PLXDC2: variants seen among roughly 807,000 people sequenced by gnomAD.
PLXDC2 encodes the protein plexin domain containing 2.
A neutral mutation model predicts 68.9 loss-of-function variants in PLXDC2; 40 were observed. The ratio of observed to expected loss-of-function variants is 0.58; its 90% confidence interval spans 0.45 to 0.76. The LOEUF (loss-of-function observed/expected upper bound fraction) is 0.76, where lower values mean the gene tolerates loss of function less well. Ranked by LOEUF, PLXDC2 falls within the 30% of genes least tolerant of loss-of-function variation. The pLI, the probability that PLXDC2 is intolerant of heterozygous loss-of-function variation, is 0.00. For synonymous variants in PLXDC2, 243 were observed against 234.2 expected (o/e 1.04, Z -0.34); for missense variants, 644 against 661.9 (o/e 0.97, Z 0.30).
chr10:20,232,757 CAA>C (rs1291273894), intron 12 of PLXDC2, among the ~76,000 whole-genome samples: 7 of 152,026 alleles, frequency 4.6e-5, no homozygotes, highest in Non-Finnish European at 8.8e-5. Flanking sequence ...TAGGTGGAGA[CAA>C]GAGAACTTTA....
At position 20,231,906 on chromosome 10, in the gene PLXDC2, A is replaced by G. The variant is rs1048560047; in HGVS notation, c.1312+12804A>G. Among the ~76,000 whole-genome samples, 59 of 151,940 alleles carry G rather than the reference A, an allele frequency of 3.9e-4. 3 individuals carry two copies. Among genetic ancestry groups the G allele is most frequent in the Non-Finnish European group, 8.8e-5 (6 of 67,980 alleles). ...ATGGCATACGCCTGTAGTCCCAGCTATGTGGGAGGCCCAAGTCAGGGGGAT... is the reference window on the plus strand; with the variant it reads ...ATGGCATACGCCTGTAGTCCCAGCTGTGTGGGAGGCCCAAGTCAGGGGGAT... On this transcript the variant is annotated intron_variant, in intron 12 of 13. Coordinates refer to ENST00000377252, the MANE Select transcript of PLXDC2 (RefSeq NM_032812.9).
At chr10:20,163,341 G>A (rs1488197717) in intron 6 of PLXDC2, among the ~76,000 whole-genome samples, 1 of 152,088 alleles carries the variant, frequency 6.6e-6, no homozygotes, top group Non-Finnish European at 1.5e-5. Context: ...TAACAAAATA[G>A]CCCTTTCACA....
At chr10:19,981,441 T>A (rs1047621279) in intron 1 of PLXDC2, among the ~76,000 whole-genome samples, 1 of 152,170 alleles carries the variant, frequency 6.6e-6, no homozygotes, top group Admixed American at 6.5e-5. Context: ...GTTTACGTAG[T>A]TTGAAGTGCA....
Position 19,818,227 on chromosome 10 carries a change from GGTGTGTGTGTGTGTGTGTGTGTGTGTGT to G in PLXDC2, c.112+1055_112+1082del, listed in dbSNP as rs749435110. ...TCAATTTGTCAATTTGTTCTTTTCT[GGTGTGTGTGTGTGTGTGTGTGTGTGTGT>G]GTGTGTGTGTGTGTGTGTAATTTAA... On this transcript the variant is annotated intron_variant, in intron 1 of 13. Coordinates refer to ENST00000377252, the MANE Select transcript of PLXDC2 (RefSeq NM_032812.9). 5.7e-4 allele frequency among the ~76,000 whole-genome samples: 78 copies of G among 137,610 alleles called. No homozygotes were observed. In the South Asian group the frequency reaches 0.017, roughly 31 times the overall value. 90.3% of individuals were successfully genotyped at this position (137,610 alleles called of 152,430 possible).
intron 12 of PLXDC2, among the ~76,000 whole-genome samples, chr10:20,240,983 A>C (rs1453073799): frequency 1.3e-5 from 2 of 152,174 alleles, no homozygotes; most frequent in Non-Finnish European, 2.9e-5. Flanking sequence ...TAGTATTGAG[A>C]ATCCATGAAA....
chr10:20,243,932 G>A lies in PLXDC2; in HGVS notation c.1313-1413G>A, dbSNP rs11011899. On this transcript the variant is annotated intron_variant, in intron 12 of 13. Transcript: ENST00000377252. ...AAATTAGCCAGGTGTAGTGGCAAGC[G>A]CCTGTAATCCCAGCTACTTGGGAGG... is the stretch of plus-strand genomic sequence containing the variant. 3.9e-5 allele frequency among the ~76,000 whole-genome samples: 6 copies of A among 152,198 alleles called. No homozygotes were observed. The East Asian group carries it at 9.7e-4, about 25-fold the overall frequency.
intron 13 of PLXDC2, among the ~76,000 whole-genome samples, chr10:20,277,208 C>CAAAA (rs60978653): frequency 7.4e-5 from 5 of 67,948 alleles, no homozygotes; most frequent in African/African-American, 2.9e-4. Context: ...GATTCCATCT[C>CAAAA]AAAAAAAAAA....
intron 13 of PLXDC2, among the ~76,000 whole-genome samples, chr10:20,268,240 G>A (rs1476033316): frequency 6.6e-6 from 1 of 152,146 alleles, no homozygotes; most frequent in Admixed American, 6.5e-5. Flanking sequence ...ACACGTGACA[G>A]TATGTGCCCA....
At chr10:20,147,490 G>A (rs1834095131) in intron 5 of PLXDC2, among the ~76,000 whole-genome samples, 1 of 152,122 alleles carries the variant, frequency 6.6e-6, no homozygotes, top group South Asian at 2.1e-4. Flanking sequence ...TAAGCAGACA[G>A]TATCTATTAA....
chr10:20,259,021 A>G (rs1169199078), intron 13 of PLXDC2, among the ~76,000 whole-genome samples: 1 of 150,498 alleles, frequency 6.6e-6, no homozygotes, highest in African/African-American at 2.5e-5. Context: ...AAAAAAAAAA[A>G]AGAAAAGAAA....
At position 20,056,808 on chromosome 10, in the gene PLXDC2, G is replaced by T. The variant is rs565389879; in HGVS notation, c.471+9793G>T. On this transcript the variant is annotated intron_variant, in intron 3 of 13. Transcript: ENST00000377252. ...CTTTTACATAAAATTAGCCATGAAAGGTAATATAATACATTCTCTATTACC... is the reference window on the plus strand; with the variant it reads ...CTTTTACATAAAATTAGCCATGAAATGTAATATAATACATTCTCTATTACC... 3.3e-5 allele frequency among the ~76,000 whole-genome samples: 5 copies of T among 152,134 alleles called. No individual in the cohort carries two copies. The East Asian group carries it at 5.8e-4, about 18-fold the overall frequency.
At chr10:20,046,801 G>T in intron 2 of PLXDC2, 68 bp from the exon 3 acceptor site, 2 of 1,454,190 alleles carry the variant, frequency 1.4e-6, no homozygotes, top group Non-Finnish European at 9.3e-7. Flanking sequence ...AGTTCAATAG[G>T]ATTTTTTTTA....
chr10:20,217,853 C>T (rs981022058), intron 11 of PLXDC2, among the ~76,000 whole-genome samples: 1 of 151,854 alleles, frequency 6.6e-6, no homozygotes. Flanking sequence ...CCTCTCCTTC[C>T]TAGAAAAGAA....
At position 20,245,505 on chromosome 10, in the gene PLXDC2, G is replaced by C. The variant is rs1372292907; in HGVS notation, c.1473G>C (p.Glu491Asp). 1.2e-6 allele frequency: 2 copies of C among 1,609,982 alleles called. No individual in the cohort carries two copies. Among genetic ancestry groups the C allele is most frequent in the African/African-American group, 2.7e-5 (2 of 74,880 alleles). ...PTSAASIFFIERRPSRWPAMK... is the reference protein window; with the variant it reads ...PTSAASIFFIDRRPSRWPAMK... Reference sequence around the variant, plus strand: ...CAGCAGCCAGCATCTTCTTTATTGAGGTAAGTGTTGAGTTTAACACATGAA... The same window carrying C: ...CAGCAGCCAGCATCTTCTTTATTGACGTAAGTGTTGAGTTTAACACATGAA... Residue 491 changes from glutamate to aspartate, a missense_variant and splice_region_variant, in exon 13 of 14, where the codon GAG becomes GAC. Around this residue, in one of 3 missense-constraint regions of PLXDC2, gnomAD observed 330 missense variants for 327.9 expected, o/e 1.01. Coordinates refer to ENST00000377252, the MANE Select transcript of PLXDC2 (RefSeq NM_032812.9).
At chr10:20,164,388 A>C in intron 6 of PLXDC2, 80 bp from the exon 7 acceptor site, 1 of 1,139,724 alleles carries the variant, frequency 8.8e-7, no homozygotes, top group Admixed American at 1.8e-5. Flanking sequence ...TTTGTCCATG[A>C]AACAAGAGGA....
intron 4 of PLXDC2, among the ~76,000 whole-genome samples, chr10:20,080,882 A>G (rs1202781256): frequency 1.3e-5 from 2 of 152,218 alleles, no homozygotes. Context: ...CTGCAACCAC[A>G]GATTGCTAAT....
chr10:20,250,093 C>G (rs1045696277), intron 13 of PLXDC2, among the ~76,000 whole-genome samples: 7 of 151,904 alleles, frequency 4.6e-5, no homozygotes, highest in Non-Finnish European at 1.0e-4. Flanking sequence ...CATGGTGAAA[C>G]CCCATCTCTA....
intron 7 of PLXDC2, among the ~76,000 whole-genome samples, chr10:20,171,953 G>A (rs1163293195): frequency 6.6e-6 from 1 of 152,106 alleles, no homozygotes; most frequent in Non-Finnish European, 1.5e-5. Context: ...AAGGGTGGGA[G>A]CAGGGAGAGG....
At chr10:20,125,875 G>T (rs1833766503) in intron 4 of PLXDC2, among the ~76,000 whole-genome samples, 1 of 151,390 alleles carries the variant, frequency 6.6e-6, no homozygotes, top group Non-Finnish European at 1.5e-5. Context: ...AAGACGGAAA[G>T]GAGAACTCAA....
Sources: gnomAD v4.1 joint callset for allele counts (sites outside exome capture counted in the v4.1 genomes callset) on GRCh38, gnomAD v4.1.1 for gene constraint, gnomAD v4.1.1 regional missense constraint, MANE v1.5 for transcripts, NCBI Gene and HGNC (gene_info 2026-07-23, HGNC 2026-07-21) for gene names.